Variants in OTUD7A observed in about 807,000 individuals in gnomAD.
The protein encoded by OTUD7A is OTU deubiquitinase 7A, also known as OTU domain-containing protein 7A.
A neutral mutation model predicts 65.7 loss-of-function variants in OTUD7A; 12 were observed. The observed-to-expected ratio is 0.18, with a 90% CI of 0.12 to 0.30. OTUD7A has a LOEUF of 0.30. Among genes scored for constraint, OTUD7A ranks in the 10% least tolerant of loss-of-function variants. The pLI is 1.00. For synonymous variants in OTUD7A, 641 were observed against 586.3 expected (o/e 1.09, Z -1.35); for missense variants, 1,148 against 1,304.8 (o/e 0.88, Z 1.85).
rs538692724 is a variant in OTUD7A, at chr15:31,501,933, G to T, written c.1022-94C>A. ...TCCCTGTCCCTCACTACCCCGGGGG[G>T]ACTCCGTGGAGAAGCGGAGGGACAG... On this transcript the variant is annotated intron_variant, in intron 9 of 12. Coordinates refer to ENST00000307050, the MANE Select transcript of OTUD7A (RefSeq NM_001382637.1). The T allele has an allele frequency of 4.0e-5, 55 of 1,382,634 alleles. No individual in the cohort carries two copies. In the South Asian group the frequency reaches 4.3e-4, roughly 11 times the overall value. The allele number at this position is 1,382,634 out of a possible 1,614,324, so 85.6% of individuals were successfully genotyped here.
intron 3 of OTUD7A, among the ~76,000 whole-genome samples, chr15:31,614,194 C>T (rs72709307): frequency 0.21 from 32,553 of 151,836 alleles, 3,663 homozygotes; most frequent in African/African-American, 0.26. Context: ...AAATAGGGTG[C>T]AGTGTATTAC....
intron 3 of OTUD7A, among the ~76,000 whole-genome samples, chr15:31,610,608 TATATA>T (rs1890378334): frequency 6.1e-5 from 3 of 48,950 alleles, no homozygotes; most frequent in Non-Finnish European, 7.6e-5. Flanking sequence ...TATATATATA[TATATA>T]TATATTTTTT....
At position 31,501,660 on chromosome 15, in the gene OTUD7A, T is replaced by G. The variant is rs201726827; in HGVS notation, c.1171+30A>C. ...TGGCTCTGCCCCCACCCTAGGCTCCTGCGTGCACTCTCTTGGGAGACAGGC... is the reference window on the plus strand; with the variant it reads ...TGGCTCTGCCCCCACCCTAGGCTCCGGCGTGCACTCTCTTGGGAGACAGGC... On this transcript the variant is annotated intron_variant, in intron 10 of 12. Coordinates refer to ENST00000307050, the MANE Select transcript of OTUD7A (RefSeq NM_001382637.1). The G allele has an allele frequency of 1.5e-5, 24 of 1,613,968 alleles. 1 individual carries two copies. The highest frequency in any genetic ancestry group is 8.3e-5 in the Admixed American group (5 of 60,018).
intron 1 of OTUD7A, among the ~76,000 whole-genome samples, chr15:31,704,726 T>C (rs2141331366): frequency 6.6e-6 from 1 of 151,254 alleles, no homozygotes; most frequent in East Asian, 2.0e-4. Context: ...CTATGCTGAC[T>C]TCTAGCCAAG....
intron 1 of OTUD7A, among the ~76,000 whole-genome samples, chr15:31,761,634 A>G (rs1469877268): frequency 6.6e-6 from 1 of 152,214 alleles, no homozygotes; most frequent in Non-Finnish European, 1.5e-5. Flanking sequence ...AAAGTTAAGC[A>G]TAGAATTCCC....
intron 1 of OTUD7A, among the ~76,000 whole-genome samples, chr15:31,770,016 A>G (rs958444406): frequency 6.6e-6 from 1 of 152,230 alleles, no homozygotes; most frequent in African/African-American, 2.4e-5. Flanking sequence ...CAGGTATGAA[A>G]TTAATAAGCT....
At chr15:31,633,093 C>T (rs534244196) in intron 3 of OTUD7A, among the ~76,000 whole-genome samples, 1 of 152,240 alleles carries the variant, frequency 6.6e-6, no homozygotes, top group South Asian at 2.1e-4. Context: ...ATGCCTTGCC[C>T]TGCTTCGGCC....
chr15:31,828,473 C>T lies in OTUD7A; in HGVS notation c.-100+42034G>A, dbSNP rs201172478. On this transcript the variant is annotated intron_variant, in intron 1 of 12. Transcript: ENST00000307050. ...CTTTGTGGTGGGAACACACAAGATC[C>T]TCTCTTCTCATAGTATATTGTACAG... Among the ~76,000 whole-genome samples, 6 of 152,242 alleles carry T rather than the reference C, an allele frequency of 3.9e-5. No homozygotes were observed. In the East Asian group the frequency reaches 1.2e-3, roughly 29 times the overall value.
chr15:31,830,700 T>C (rs1209704104), intron 1 of OTUD7A, among the ~76,000 whole-genome samples: 1 of 152,234 alleles, frequency 6.6e-6, no homozygotes, highest in Non-Finnish European at 1.5e-5. Flanking sequence ...AGATGTGAGC[T>C]CAGTTTCCAG....
intron 3 of OTUD7A, among the ~76,000 whole-genome samples, chr15:31,617,254 C>T (rs950173091): frequency 1.3e-5 from 2 of 152,014 alleles, no homozygotes; most frequent in Non-Finnish European, 2.9e-5. Flanking sequence ...TTTGGGAGGC[C>T]GAGGTGGATG....
chr15:31,581,014 G>A (rs572316321), intron 3 of OTUD7A, among the ~76,000 whole-genome samples: 8 of 152,140 alleles, frequency 5.3e-5, no homozygotes, highest in South Asian at 2.1e-4. Context: ...TTCCACCTAC[G>A]AGCCTGTAAA....
chr15:31,513,327 T>G (rs536132111), intron 8 of OTUD7A, among the ~76,000 whole-genome samples: 1 of 152,208 alleles, frequency 6.6e-6, no homozygotes, highest in Non-Finnish European at 1.5e-5. Flanking sequence ...TCTTGCTCAT[T>G]TTCTATGAAC....
chr15:31,575,289 C>G (rs1294452679), intron 3 of OTUD7A, among the ~76,000 whole-genome samples: 1 of 152,182 alleles, frequency 6.6e-6, no homozygotes, highest in African/African-American at 2.4e-5. Flanking sequence ...TTGTGAGTAA[C>G]AAACTTCTTC....
chr15:31,584,780 G>A (rs1344506682), intron 3 of OTUD7A, among the ~76,000 whole-genome samples: 1 of 152,200 alleles, frequency 6.6e-6, no homozygotes, highest in Non-Finnish European at 1.5e-5. Flanking sequence ...AAGGGTCACA[G>A]ACACGTCAGC....
chr15:31,672,792 T>C lies in OTUD7A; in HGVS notation c.-99-15715A>G, dbSNP rs182611661. ...ATTTCCTTAGTTGACACTCACTCAG[T>C]TGTACCTTCCCATAGTTTTCTCCCA... On this transcript the variant is annotated intron_variant, in intron 1 of 12. Transcript: ENST00000307050. Among the ~76,000 whole-genome samples, 247 of 152,358 alleles carry C rather than the reference T, an allele frequency of 1.6e-3. 1 individual carries two copies. The highest frequency in any genetic ancestry group is 5.6e-3 in the African/African-American group (232 of 41,590).
At chr15:31,810,133 C>T (rs992374781) in intron 1 of OTUD7A, among the ~76,000 whole-genome samples, 2 of 152,134 alleles carry the variant, frequency 1.3e-5, no homozygotes, top group East Asian at 1.9e-4. Context: ...AGGGCAGCTT[C>T]GGGAGGCCAG....
At chr15:31,634,970 T>A (rs1891295233) in intron 3 of OTUD7A, among the ~76,000 whole-genome samples, 1 of 152,150 alleles carries the variant, frequency 6.6e-6, no homozygotes, top group Admixed American at 6.5e-5. Flanking sequence ...ACCCAACCAT[T>A]CCCAGTCTTA....
chr15:31,634,260 G>A (rs1362949416), intron 3 of OTUD7A, among the ~76,000 whole-genome samples: 1 of 152,162 alleles, frequency 6.6e-6, no homozygotes, highest in Non-Finnish European at 1.5e-5. Context: ...GAGAGAGGGA[G>A]ACCTCAAAAG....
At chr15:31,548,217 G>A (rs79434136) in intron 5 of OTUD7A, among the ~76,000 whole-genome samples, 2 of 67,242 alleles carry the variant, frequency 3.0e-5, no homozygotes, top group Non-Finnish European at 9.4e-5. Flanking sequence ...ATCTGTGGGC[G>A]CCCTGGGCCA....
Sources: allele counts gnomAD v4.1 joint callset (sites outside exome capture counted in the v4.1 genomes callset), GRCh38; gene constraint gnomAD v4.1.1; transcripts MANE v1.5; gene names NCBI Gene and HGNC (gene_info 2026-07-23, HGNC 2026-07-21).